The following MAPKAP1 variants were observed in gnomAD, a reference collection of about 807,000 sequenced individuals.
MAPKAP1 encodes the protein MAPK associated protein 1.
In MAPKAP1, 20 loss-of-function variants were observed where a neutral mutation model predicts 65.7. The observed-to-expected ratio is 0.30, with a 90% CI of 0.21 to 0.44. The LOEUF is 0.44. Ranked by LOEUF, MAPKAP1 falls within the 20% of genes least tolerant of loss-of-function variation. MAPKAP1 has a pLI of 1.00. For synonymous variants in MAPKAP1, 222 were observed against 244.3 expected, an observed-to-expected ratio of 0.91 and a Z score of 0.85; for missense variants, 423 against 648.0, an observed-to-expected ratio of 0.65 and a Z score of 3.77.
chr9:125,539,570 T>G (rs1830179102), intron 7 of MAPKAP1, among the ~76,000 whole-genome samples: 1 of 152,336 alleles, frequency 6.6e-6, no homozygotes, highest in Non-Finnish European at 1.5e-5. Context: ...ACCGCATTTT[T>G]AAATAACAAC....
intron 5 of MAPKAP1, among the ~76,000 whole-genome samples, chr9:125,581,964 T>G (rs1831639522): frequency 6.6e-6 from 1 of 152,216 alleles, no homozygotes; most frequent in South Asian, 2.1e-4. Context: ...ATTGCTTCTC[T>G]GCTATTCCCT....
chr9:125,480,605 C>G (rs1473262681), intron 9 of MAPKAP1, among the ~76,000 whole-genome samples: 1 of 152,040 alleles, frequency 6.6e-6, no homozygotes, highest in Non-Finnish European at 1.5e-5. Context: ...GATGGTGGAC[C>G]TGGAGAGAGG....
chr9:125,594,090 C>T lies in MAPKAP1; in HGVS notation c.499-8363G>A, dbSNP rs146718990. Among the ~76,000 whole-genome samples the T allele has an allele frequency of 3.1e-3, 471 of 152,344 alleles. 2 individuals are homozygous for T. The highest frequency in any genetic ancestry group is 4.5e-3 in the African/African-American group (188 of 41,582). Reference sequence around the variant, plus strand: ...ATGCCTCCCAAATCTCTCTCCTTCCCATGCTTATTGCCAACGCCCCAGTTT... The same window carrying T: ...ATGCCTCCCAAATCTCTCTCCTTCCTATGCTTATTGCCAACGCCCCAGTTT... On this transcript the variant is annotated intron_variant, in intron 4 of 11. Transcript: ENST00000265960.
chr9:125,475,495 T>C (rs1463973362), intron 9 of MAPKAP1, among the ~76,000 whole-genome samples: 1 of 152,120 alleles, frequency 6.6e-6, no homozygotes, highest in African/African-American at 2.4e-5. Flanking sequence ...CCAATTCCAA[T>C]ATGTGGTCAG....
At chr9:125,640,471 C>A (rs1256877179) in intron 4 of MAPKAP1, among the ~76,000 whole-genome samples, 1 of 151,986 alleles carries the variant, frequency 6.6e-6, no homozygotes, top group Non-Finnish European at 1.5e-5. Flanking sequence ...ATCAATGCAC[C>A]CCCGAGACCA....
intron 7 of MAPKAP1, among the ~76,000 whole-genome samples, chr9:125,528,969 G>A (rs769247656): frequency 5.3e-5 from 8 of 150,642 alleles, no homozygotes; most frequent in Non-Finnish European, 8.9e-5. Flanking sequence ...GTTCGAGACC[G>A]GCCTGGCCAA....
chr9:125,509,296 T>G lies in MAPKAP1; in HGVS notation c.959-2879A>C, dbSNP rs968165693. On this transcript the variant is annotated intron_variant, in intron 7 of 11. Transcript: ENST00000265960. ...AAAAGGTAAATCTAAGCAAAAAATA[T>G]GTAAAGGAATAGAGGAAAAAAGACT... Among the ~76,000 whole-genome samples the G allele has an allele frequency of 5.1e-4, 77 of 150,740 alleles. 1 individual carries two copies. The highest frequency in any genetic ancestry group is 1.8e-3 in the African/African-American group (75 of 41,038).
In MAPKAP1 at chr9:125,705,013, T is replaced by C. The variant is rs571781071; in HGVS notation, c.-70+1958A>G. On this transcript the variant is annotated intron_variant, in intron 1 of 11. Coordinates refer to ENST00000265960, the MANE Select transcript of MAPKAP1 (RefSeq NM_001006617.3). ...AATTGAATCCAGAGTCCATGCCTATTTTCTATAGACTGTCTTCTCTGCTCA... is the reference window on the plus strand; with the variant it reads ...AATTGAATCCAGAGTCCATGCCTATCTTCTATAGACTGTCTTCTCTGCTCA... Among the ~76,000 whole-genome samples the C allele has an allele frequency of 3.3e-5, 5 of 152,298 alleles. No individual in the cohort carries two copies. The South Asian group carries it at 1.0e-3, about 32-fold the overall frequency.
intron 4 of MAPKAP1, among the ~76,000 whole-genome samples, chr9:125,656,414 G>A (rs1044247140): frequency 6.6e-6 from 1 of 152,078 alleles, no homozygotes; most frequent in Admixed American, 6.6e-5. Flanking sequence ...GAAGTTCTTT[G>A]GAGGAAACTT....
intron 4 of MAPKAP1, among the ~76,000 whole-genome samples, chr9:125,650,626 T>C (rs1468020399): frequency 6.6e-6 from 1 of 152,156 alleles, no homozygotes; most frequent in East Asian, 1.9e-4. Flanking sequence ...CAATGGTGAA[T>C]TCTACCTCAT....
rs149770827 is a variant in MAPKAP1, at chr9:125,595,695, C to A, written c.499-9968G>T. The A allele has an allele frequency of 6.4e-7, 1 of 1,553,550 alleles. No individual in the cohort carries two copies. The highest frequency in any genetic ancestry group is 2.3e-5 in the East Asian group (1 of 43,302). On this transcript the variant is annotated intron_variant, in intron 4 of 11. Coordinates refer to ENST00000265960, the MANE Select transcript of MAPKAP1 (RefSeq NM_001006617.3). This position sits in a 1 kb window ranked among gnomAD's most constrained non-coding sequence, Gnocchi z 4.0. ...CCTAAGTCAGAGTCTCCTAAAGAGC[C>A]GGAACAGCTAAGGAATCTCTTCATT...
chr9:125,507,062 G>A (rs1016434175), intron 7 of MAPKAP1, among the ~76,000 whole-genome samples: 3 of 152,160 alleles, frequency 2.0e-5, no homozygotes, highest in South Asian at 2.1e-4. Context: ...AGTGGCTACC[G>A]ATTCACATTT....
At chr9:125,617,577 C>G (rs1349416926) in intron 4 of MAPKAP1, among the ~76,000 whole-genome samples, 1 of 152,134 alleles carries the variant, frequency 6.6e-6, no homozygotes, top group Non-Finnish European at 1.5e-5. Context: ...ACTGAAATGT[C>G]CATCAACAGT....
chr9:125,601,608 T>C (rs1162393876), intron 4 of MAPKAP1, among the ~76,000 whole-genome samples: 4 of 152,224 alleles, frequency 2.6e-5, no homozygotes, highest in African/African-American at 9.6e-5. Flanking sequence ...TTTAATTAGA[T>C]GGCCTTGGCA....
At chr9:125,591,767 A>G (rs1189407405) in intron 4 of MAPKAP1, among the ~76,000 whole-genome samples, 1 of 152,202 alleles carries the variant, frequency 6.6e-6, no homozygotes, top group Non-Finnish European at 1.5e-5. Flanking sequence ...CTAAAACATA[A>G]AACAATCCAT....
chr9:125,576,944 G>T (rs556437010), intron 5 of MAPKAP1, among the ~76,000 whole-genome samples: 1 of 152,032 alleles, frequency 6.6e-6, no homozygotes, highest in Non-Finnish European at 1.5e-5. Flanking sequence ...CCGCCACCCC[G>T]TCTGGGAAGT....
At chr9:125,534,873 G>C (rs1406262315) in intron 7 of MAPKAP1, among the ~76,000 whole-genome samples, 1 of 152,078 alleles carries the variant, frequency 6.6e-6, no homozygotes, top group Non-Finnish European at 1.5e-5. Flanking sequence ...TGGAACTAGG[G>C]CTCCCTGCTT....
chr9:125,574,715 T>G (rs750888732), intron 5 of MAPKAP1, among the ~76,000 whole-genome samples: 3 of 152,254 alleles, frequency 2.0e-5, no homozygotes, highest in Non-Finnish European at 2.9e-5. Context: ...CTACTACTGC[T>G]GAACTACTTA....
At position 125,468,028 on chromosome 9, in the gene MAPKAP1, A is replaced by G; in HGVS notation, c.1289T>C (p.Ile430Thr). The G allele has an allele frequency of 6.2e-7, 1 of 1,614,190 alleles. No individual in the cohort carries two copies. The highest frequency in any genetic ancestry group is 1.1e-5 in the South Asian group (1 of 91,078). ...ACAGAGCAGGTCGGAATCGATTGAG[A>G]TGGGTTTCTGCTTAATCCAAAACTT... ...STKFWIKQKPISIDSDLLCAC... is the reference protein window; with the variant it reads ...STKFWIKQKPTSIDSDLLCAC... The change falls in exon 10 of 12, where the codon ATC (isoleucine) becomes ACC (threonine). Residue 430 changes from isoleucine to threonine, a missense_variant. This residue lies in a region of MAPKAP1 where 185 missense variants were observed against 268.1 expected (regional missense o/e 0.69). Transcript: ENST00000265960.
Sources: allele counts gnomAD v4.1 joint callset (sites outside exome capture counted in the v4.1 genomes callset), GRCh38; gene constraint gnomAD v4.1.1; regional missense constraint gnomAD v4.1.1; non-coding constraint Gnocchi (gnomAD v3.1); transcripts MANE v1.5; gene names NCBI Gene and HGNC (gene_info 2026-07-23, HGNC 2026-07-21).